Variants in TTLL6 observed in about 807,000 individuals in gnomAD.
TTLL6 encodes tubulin tyrosine ligase like 6, also known as tubulin polyglutamylase TTLL6.
Under a neutral mutation model 96.4 loss-of-function variants are expected in TTLL6, and 75 were observed. The ratio of observed to expected loss-of-function variants is 0.78; its 90% CI spans 0.65 to 0.94. TTLL6 has a LOEUF of 0.94. Ranked by LOEUF, TTLL6 falls within the 40% of genes least tolerant of loss-of-function variation. The pLI is 0.00. For missense variants in TTLL6, 1,030 were observed against 1,093.0 expected (o/e 0.94, Z 0.81); for synonymous variants, 411 against 419.4 (o/e 0.98, Z 0.24).
At chr17:48,811,556 G>A (rs1165324872) in intron 1 of TTLL6, among the ~76,000 whole-genome samples, 1 of 152,016 alleles carries the variant, frequency 6.6e-6, no homozygotes, top group Non-Finnish European at 1.5e-5. Flanking sequence ...TTTCTTAAAC[G>A]CAGCCCACTT....
At chr17:48,771,038 C>T (rs1021508355) in intron 13 of TTLL6, among the ~76,000 whole-genome samples, 1 of 152,188 alleles carries the variant, frequency 6.6e-6, no homozygotes, top group Non-Finnish European at 1.5e-5. Flanking sequence ...TCCGAGGACA[C>T]CCACAATCCA....
At position 48,796,068 on chromosome 17, in the gene TTLL6, T is replaced by A; in HGVS notation, c.991A>T (p.Ser331Cys). 1 of 1,551,376 alleles carries A rather than the reference T, an allele frequency of 6.4e-7. No homozygotes were observed. The highest frequency in any genetic ancestry group is 8.7e-7 in the Non-Finnish European group (1 of 1,146,746). Residue 331 changes from serine (S) to cysteine (C), a missense_variant, in exon 8 of 16, where the codon AGT (serine) becomes TGT (cysteine). Physicochemically the swap from Ser to Cys is moderately radical, Grantham distance 112 (BLOSUM62 -1). Coordinates refer to ENST00000393382, the MANE Select transcript of TTLL6 (RefSeq NM_001130918.3). ...SNFSRDAHSG[S>C]KRKLSTFSAY... Reference sequence around the variant, plus strand: ...ATGAAGCCTCTTCCTTACCTCTTACTGCCAGAGTGTGCATCTCGACTGAAA... The same window carrying A: ...ATGAAGCCTCTTCCTTACCTCTTACAGCCAGAGTGTGCATCTCGACTGAAA...
intron 1 of TTLL6, 36 bp downstream of exon 1, chr17:48,816,934 G>T: frequency 6.9e-7 from 1 of 1,458,896 alleles, no homozygotes; most frequent in African/African-American, 1.4e-5. Flanking sequence ...GGAGGCTGCG[G>T]TCTGGAGCCA....
rs1001875794 is a variant in TTLL6, at chr17:48,770,866, C to T, written c.2041-769G>A. Among the ~76,000 whole-genome samples the T allele has an allele frequency of 1.4e-4, 21 of 150,352 alleles. No homozygotes were observed. In the East Asian group the frequency reaches 2.9e-3, roughly 21 times the overall value. ...TTGAGAGGCAGAGGTTGCAGTGAGCCGAGATCACACCATTGTCCTCCAGCC... is the reference window on the plus strand; with the variant it reads ...TTGAGAGGCAGAGGTTGCAGTGAGCTGAGATCACACCATTGTCCTCCAGCC... On this transcript the variant is annotated intron_variant, in intron 13 of 15. Coordinates refer to ENST00000393382, the MANE Select transcript of TTLL6 (RefSeq NM_001130918.3).
intron 13 of TTLL6, among the ~76,000 whole-genome samples, chr17:48,776,029 G>C (rs1236497250): frequency 6.6e-6 from 1 of 152,116 alleles, no homozygotes; most frequent in Non-Finnish European, 1.5e-5. Flanking sequence ...ATTCAACGTT[G>C]TACCAGAAGT....
rs1409972412 is a variant in TTLL6, at chr17:48,797,138, G to A, written c.835C>T (p.Leu279Phe). The change falls in exon 7 of 16, where the codon CTC (leucine) becomes TTC (phenylalanine). Residue 279 changes from leucine (L) to phenylalanine (F), a missense_variant. Leu to Phe is a conservative substitution (Grantham distance 22, BLOSUM62 0). Transcript: ENST00000393382. The stretch of plus-strand genomic sequence containing the variant: ...CCTTCATTGTACACAAAAATCCTGA[G>A]AGGGTCACAGGATGTCACCAGTACA... ...IYVLVTSCDP[L>F]RIFVYNEGLA... 1 of 1,551,626 alleles carries A rather than the reference G, an allele frequency of 6.4e-7. No individual in the cohort carries two copies. The highest frequency in any genetic ancestry group is 8.7e-7 in the Non-Finnish European group (1 of 1,147,004).
At chr17:48,785,878 C>T (rs955633582) in intron 12 of TTLL6, among the ~76,000 whole-genome samples, 2 of 152,212 alleles carry the variant, frequency 1.3e-5, no homozygotes, top group African/African-American at 4.8e-5. Flanking sequence ...AAATAAGGTT[C>T]ATGCTCAGCC....
Position 48,769,091 on chromosome 17 carries a change from A to G in TTLL6, c.2574T>C (p.Pro858=). Residue 858 remains proline, a synonymous_variant, in exon 15 of 16, where the codon CCT becomes CCC. Coordinates refer to ENST00000393382, the MANE Select transcript of TTLL6 (RefSeq NM_001130918.3). The part of the protein sequence containing the change: ...IATPAQLDPR[P]CRSHASAMRD... ...TCATAGCACTTGCGTGGCTTCTACA[A>G]GGCCTTGGATCCAGTTGGGCTGGAG... is the stretch of plus-strand genomic sequence containing the variant. 1.2e-6 allele frequency: 2 copies of G among 1,614,198 alleles called. No individual in the cohort carries two copies. The highest frequency in any genetic ancestry group is 2.7e-5 in the African/African-American group (2 of 75,048).
chr17:48,763,221 G>A (rs2038524380), intron 15 of TTLL6, among the ~76,000 whole-genome samples: 1 of 152,086 alleles, frequency 6.6e-6, no homozygotes, highest in Non-Finnish European at 1.5e-5. Context: ...ATGTTATAGT[G>A]GTTAAGAAGC....
intron 8 of TTLL6, among the ~76,000 whole-genome samples, chr17:48,793,190 G>A (rs2039257916): frequency 6.6e-6 from 1 of 152,120 alleles, no homozygotes. Context: ...TGGGACAGAT[G>A]AGACAGTCAG....
intron 2 of TTLL6, 50 bp from the exon 3 acceptor site, chr17:48,803,978 A>G (rs1223384706): frequency 4.6e-6 from 7 of 1,537,844 alleles, no homozygotes; most frequent in Non-Finnish European, 6.2e-6. Flanking sequence ...CACACTTGCC[A>G]GAACAAGTGA....
intron 3 of TTLL6, among the ~76,000 whole-genome samples, chr17:48,803,094 C>T (rs1282512310): frequency 6.6e-6 from 1 of 151,928 alleles, no homozygotes; most frequent in East Asian, 1.9e-4. Context: ...CGCTTGAGCC[C>T]AGGAGGCAGA....
At chr17:48,768,460 C>T (rs559468589) in intron 15 of TTLL6, among the ~76,000 whole-genome samples, 89 of 150,442 alleles carry the variant, frequency 5.9e-4, no homozygotes, top group Non-Finnish European at 9.9e-4. Context: ...TTAGTAGAGA[C>T]GGGGTTCCAC....
intron 1 of TTLL6, among the ~76,000 whole-genome samples, chr17:48,814,600 G>C (rs674310): frequency 0.48 from 73,363 of 151,884 alleles, 18,368 homozygotes; most frequent in East Asian, 0.84. Context: ...TCCTACATTG[G>C]CCACCAGGGG....
At chr17:48,804,286 T>C (rs1465599155) in intron 2 of TTLL6, 1 of 498,940 alleles carries the variant, frequency 2.0e-6, no homozygotes, top group Non-Finnish European at 3.9e-6. Context: ...CTCCTTCCTC[T>C]TCCCCCCATT....
chr17:48,778,556 G>A (rs1427414787), intron 13 of TTLL6, among the ~76,000 whole-genome samples: 2 of 151,870 alleles, frequency 1.3e-5, no homozygotes, highest in South Asian at 2.1e-4. Flanking sequence ...AGCACATTGG[G>A]AGGCTGAGGT....
At position 48,791,399 on chromosome 17, in the gene TTLL6, T is replaced by A. The variant is rs1187244510; in HGVS notation, c.1203A>T (p.Lys401Asn). ...ILGFDILLDH[K>N]LKPWLLEVNH... Reference sequence around the variant, plus strand: ...CTACCTCCAGCAGCCAGGGTTTGAGTTTGTGGTCCAACAAAATGTCAAAGC... The same window carrying A: ...CTACCTCCAGCAGCCAGGGTTTGAGATTGTGGTCCAACAAAATGTCAAAGC... Residue 401 changes from lysine to asparagine, a missense_variant, in exon 9 of 16, where the codon AAA becomes AAT. By Grantham distance (94) the Lys-to-Asn change is moderately conservative (BLOSUM62 0). Coordinates refer to ENST00000393382, the MANE Select transcript of TTLL6 (RefSeq NM_001130918.3). 6.2e-7 allele frequency: 1 copy of A among 1,613,998 alleles called. No individual in the cohort carries two copies. Among genetic ancestry groups the A allele is most frequent in the Non-Finnish European group, 8.5e-7 (1 of 1,179,986 alleles).
intron 1 of TTLL6, among the ~76,000 whole-genome samples, chr17:48,808,368 ATATG>A (rs1285480712): frequency 7.0e-6 from 1 of 143,416 alleles, no homozygotes; most frequent in Non-Finnish European, 1.5e-5. Context: ...ATCGCTTCTC[ATATG>A]TATGTGTGTG....
Position 48,796,162 on chromosome 17 carries a change from C to T in TTLL6, c.913-16G>A. 1 of 1,548,034 alleles carries T rather than the reference C, an allele frequency of 6.5e-7. No homozygotes were observed. Among genetic ancestry groups the T allele is most frequent in the Non-Finnish European group, 8.7e-7 (1 of 1,143,966 alleles). On this transcript the variant is annotated splice_polypyrimidine_tract_variant and intron_variant, in intron 7 of 15. Coordinates refer to ENST00000393382, the MANE Select transcript of TTLL6 (RefSeq NM_001130918.3). ...AGATATCATCCTGGGGAAAAAGACA[C>T]ACATCTGTCGGGTCAGCTCGGAAGG...
Sources: allele counts gnomAD v4.1 joint callset (sites outside exome capture counted in the v4.1 genomes callset), GRCh38; gene constraint gnomAD v4.1.1; transcripts MANE v1.5; gene names NCBI Gene and HGNC (gene_info 2026-07-23, HGNC 2026-07-21).